FSHR: variants seen among roughly 807,000 people sequenced by gnomAD.
The protein encoded by FSHR is follicle stimulating hormone receptor, also known as follicle-stimulating hormone receptor.
FSHR carries 46 observed loss-of-function variants against 52.1 expected under a neutral mutation model. That is an observed-to-expected ratio of 0.88 (90% CI 0.70 to 1.13). The LOEUF is 1.13. Ranked by LOEUF, FSHR falls within the 50% of genes most tolerant of loss-of-function variation. The pLI, the probability that FSHR is intolerant of heterozygous loss-of-function variation, is 0.00. For missense variants in FSHR, 964 were observed against 834.6 expected, an observed-to-expected ratio of 1.16 and a Z score of -1.91; for synonymous variants, 399 against 309.6, an observed-to-expected ratio of 1.29 and a Z score of -3.03.
chr2:48,978,388 G>C (rs1675087621), intron 8 of FSHR, among the ~76,000 whole-genome samples: 1 of 152,202 alleles, frequency 6.6e-6, no homozygotes, highest in Admixed American at 6.5e-5. Context: ...TGGATAAAAA[G>C]GCAATTTACT....
rs578240025 is a variant in FSHR, at chr2:49,132,517, G to T, written c.152+21749C>A. On this transcript the variant is annotated intron_variant, in intron 1 of 9. Coordinates refer to ENST00000406846, the MANE Select transcript of FSHR (RefSeq NM_000145.4). ...AAAGAACAGTTATTGGCCTTATTTTGCAGGTGATAGAGCCATTACCATTCA... is the reference window on the plus strand; with the variant it reads ...AAAGAACAGTTATTGGCCTTATTTTTCAGGTGATAGAGCCATTACCATTCA... Among the ~76,000 whole-genome samples the T allele has an allele frequency of 3.9e-5, 6 of 152,202 alleles. 1 individual carries two copies. The highest frequency in any genetic ancestry group is 1.4e-4 in the African/African-American group (6 of 41,552).
chr2:49,133,445 C>G (rs761338750), intron 1 of FSHR, among the ~76,000 whole-genome samples: 9 of 152,172 alleles, frequency 5.9e-5, no homozygotes, highest in Non-Finnish European at 1.0e-4. Context: ...AAGAACATTC[C>G]ATGCTCATAC....
intron 2 of FSHR, among the ~76,000 whole-genome samples, chr2:49,051,417 T>C (rs1668851305): frequency 6.6e-6 from 1 of 152,176 alleles, no homozygotes; most frequent in Non-Finnish European, 1.5e-5. Context: ...TGGTTTTAAA[T>C]TGCATTTTGC....
In FSHR at chr2:49,118,059, G is replaced by C. The variant is rs1035268784; in HGVS notation, c.152+36207C>G. ...GTGTCTGGGCCTACCTGATGAGTAG[G>C]TGTAGCCGATGGCTCTGAGGCATCT... is the stretch of plus-strand genomic sequence containing the variant. On this transcript the variant is annotated intron_variant, in intron 1 of 9. Transcript: ENST00000406846. 3.3e-5 allele frequency among the ~76,000 whole-genome samples: 5 copies of C among 152,186 alleles called. No homozygotes were observed. The South Asian group carries it at 1.0e-3, about 31-fold the overall frequency.
intron 1 of FSHR, among the ~76,000 whole-genome samples, chr2:49,072,360 G>A (rs1310177421): frequency 6.6e-6 from 1 of 152,022 alleles, no homozygotes; most frequent in Non-Finnish European, 1.5e-5. Flanking sequence ...CAAACTCATT[G>A]GATATAGGTA....
intron 8 of FSHR, among the ~76,000 whole-genome samples, chr2:48,969,843 C>G (rs1674658961): frequency 6.6e-6 from 1 of 152,210 alleles, no homozygotes; most frequent in South Asian, 2.1e-4. Flanking sequence ...GGCAGCACCA[C>G]TGGTAGTTGC....
chr2:49,084,779 C>G (rs891780126), intron 1 of FSHR, among the ~76,000 whole-genome samples: 1 of 152,154 alleles, frequency 6.6e-6, no homozygotes, highest in Non-Finnish European at 1.5e-5. Flanking sequence ...CATACACTCT[C>G]CCAAGACTAA....
intron 4 of FSHR, among the ~76,000 whole-genome samples, chr2:49,013,944 C>T (rs907170402): frequency 3.9e-5 from 6 of 151,984 alleles, no homozygotes; most frequent in African/African-American, 1.4e-4. Flanking sequence ...CTCTCTTTCT[C>T]TCTGTGTATA....
At chr2:48,995,591 T>G (rs953157874) in intron 4 of FSHR, among the ~76,000 whole-genome samples, 11 of 151,958 alleles carry the variant, frequency 7.2e-5, no homozygotes, top group African/African-American at 2.7e-4. Context: ...TGGTGTTAAT[T>G]CCCCACTTAT....
Position 49,037,258 on chromosome 2 carries a change from G to C in FSHR, c.225-17098C>G, listed in dbSNP as rs536944904. ...GGGTGAGAATTCACAGCATCCACTA[G>C]GCACAGTGACCTCAAGAAACTAATT... is the stretch of plus-strand genomic sequence containing the variant. On this transcript the variant is annotated intron_variant, in intron 2 of 9. Coordinates refer to ENST00000406846, the MANE Select transcript of FSHR (RefSeq NM_000145.4). 7.9e-5 allele frequency among the ~76,000 whole-genome samples: 12 copies of C among 152,308 alleles called. No homozygotes were observed. The South Asian group carries it at 1.7e-3, about 21-fold the overall frequency.
At chr2:49,075,611 C>T (rs1572710512) in intron 1 of FSHR, among the ~76,000 whole-genome samples, 1 of 152,114 alleles carries the variant, frequency 6.6e-6, no homozygotes, top group East Asian at 1.9e-4. Context: ...AATTAGAGAA[C>T]TCTACAATTT....
chr2:48,996,352 T>A (rs1342384851), intron 4 of FSHR, among the ~76,000 whole-genome samples: 1 of 152,074 alleles, frequency 6.6e-6, no homozygotes, highest in Non-Finnish European at 1.5e-5. Context: ...AAAAGTCACC[T>A]CAAACATGGA....
chr2:48,975,614 G>A lies in FSHR; in HGVS notation c.669-6731C>T, dbSNP rs147104229. 9.9e-3 allele frequency among the ~76,000 whole-genome samples: 1,505 copies of A among 152,228 alleles called. 24 individuals are homozygous for A. Among genetic ancestry groups the A allele is most frequent in the Middle Eastern group, 0.041 (12 of 294 alleles). Reference sequence around the variant, plus strand: ...TATCATGGACTCCTCAGCCTCCATAGCCATGTGAGCCAATGTCCCTAAGAA... The same window carrying A: ...TATCATGGACTCCTCAGCCTCCATAACCATGTGAGCCAATGTCCCTAAGAA... On this transcript the variant is annotated intron_variant, in intron 8 of 9. Coordinates refer to ENST00000406846, the MANE Select transcript of FSHR (RefSeq NM_000145.4).
intron 1 of FSHR, among the ~76,000 whole-genome samples, chr2:49,146,156 T>C (rs940750228): frequency 1.3e-5 from 2 of 152,054 alleles, no homozygotes; most frequent in Non-Finnish European, 2.9e-5. Context: ...GGGAAGAAGA[T>C]GGAAAGCTCA....
chr2:49,100,337 A>G (rs1366389744), intron 1 of FSHR, among the ~76,000 whole-genome samples: 1 of 152,150 alleles, frequency 6.6e-6, no homozygotes, highest in Non-Finnish European at 1.5e-5. Context: ...AGAGGTAGAT[A>G]ATGAGTATTA....
chr2:49,120,882 G>C (rs75158303), intron 1 of FSHR, among the ~76,000 whole-genome samples: 14 of 152,208 alleles, frequency 9.2e-5, no homozygotes, highest in African/African-American at 3.4e-4. Flanking sequence ...TATTATATCC[G>C]TACAGGTTGA....
At chr2:49,061,649 CTATA>C (rs1410096211) in intron 2 of FSHR, among the ~76,000 whole-genome samples, 3 of 139,452 alleles carry the variant, frequency 2.2e-5, no homozygotes, top group Non-Finnish European at 4.6e-5. Flanking sequence ...ATATATATAA[CTATA>C]TATAACTATA....
chr2:49,151,847 T>G (rs1441051378), intron 1 of FSHR, among the ~76,000 whole-genome samples: 1 of 152,136 alleles, frequency 6.6e-6, no homozygotes, highest in African/African-American at 2.4e-5. Context: ...AAAATAAAGG[T>G]AATTGCTCTC....
At chr2:49,091,754 A>T (rs1403495837) in intron 1 of FSHR, among the ~76,000 whole-genome samples, 1 of 152,162 alleles carries the variant, frequency 6.6e-6, no homozygotes, top group Non-Finnish European at 1.5e-5. Flanking sequence ...CTTTTTGCCA[A>T]TGTTATGTTT....
Sources: allele counts gnomAD v4.1 joint callset (sites outside exome capture counted in the v4.1 genomes callset), GRCh38; gene constraint gnomAD v4.1.1; transcripts MANE v1.5; gene names NCBI Gene and HGNC (gene_info 2026-07-23, HGNC 2026-07-21).